The following PGLS variants were observed in gnomAD, a reference collection of about 807,000 sequenced individuals.
PGLS encodes the protein epididymis secretory protein Li 304.
In PGLS, 21 loss-of-function variants were observed where a neutral mutation model predicts 23.2. The ratio of observed to expected loss-of-function variants is 0.91; its 90% CI spans 0.64 to 1.31. The LOEUF (loss-of-function observed/expected upper bound fraction) is 1.31, where lower values mean the gene tolerates loss of function less well. Ranked by LOEUF, PGLS falls within the 50% of genes most tolerant of loss-of-function variation. The probability of loss-of-function intolerance (pLI) is 0.00; values close to 1 mark genes in which losing one functional copy is unlikely to be tolerated. For synonymous variants in PGLS, 179 were observed against 165.4 expected (o/e 1.08, Z -0.63); for missense variants, 410 against 354.0 (o/e 1.16, Z -1.27).
chr19:17,512,616 T>C (rs2075514590), intron 1 of PGLS: 2 of 152,268 alleles, frequency 1.3e-5, no homozygotes, highest in South Asian at 4.1e-4. Flanking sequence ...TTCCAGGCTG[T>C]TCATCTTTGG....
In PGLS at chr19:17,511,861, C is replaced by A. The variant is rs767694324; in HGVS notation, c.189C>A (p.Ala63=). 1 of 1,534,382 alleles carries A rather than the reference C, an allele frequency of 6.5e-7. No homozygotes were observed. Among genetic ancestry groups the A allele is most frequent in the African/African-American group, 1.4e-5 (1 of 70,600 alleles). ...MLARELPAAV[A]PAGPASLARW... ...CCCGCGAGCTACCCGCCGCCGTCGC[C>A]CCTGCCGGGCCAGCTAGCTTAGCGC... Residue 63 remains alanine (A), a synonymous_variant, in exon 1 of 5, where the codon GCC becomes GCA. Transcript: ENST00000252603.
At chr19:17,518,118 T>G (rs1413543856) in intron 4 of PGLS, among the ~76,000 whole-genome samples, 2 of 151,904 alleles carry the variant, frequency 1.3e-5, no homozygotes, top group African/African-American at 4.8e-5. Flanking sequence ...AGAGGTAAAT[T>G]AATAGCATTC....
intron 1 of PGLS, chr19:17,515,861 G>T: frequency 3.6e-6 from 1 of 274,536 alleles, no homozygotes. Flanking sequence ...CCATGATCCC[G>T]ATTCACCCAG....
At chr19:17,512,566 CG>C (rs1347370304) in intron 1 of PGLS, 1 of 152,384 alleles carries the variant, frequency 6.6e-6, no homozygotes, top group African/African-American at 2.4e-5. Flanking sequence ...AGCGAGTTCT[CG>C]GGGATCCCTG....
chr19:17,520,769 A>G (rs1181756935), intron 4 of PGLS, among the ~76,000 whole-genome samples, 175 bp from the exon 5 acceptor site: 1 of 152,122 alleles, frequency 6.6e-6, no homozygotes, highest in African/African-American at 2.4e-5. Flanking sequence ...GTTACAGTGG[A>G]TAGAAAGGAA....
chr19:17,514,039 C>G (rs907609792), intron 1 of PGLS, among the ~76,000 whole-genome samples: 1 of 150,226 alleles, frequency 6.7e-6, no homozygotes, highest in African/African-American at 2.4e-5. Flanking sequence ...TCTGCCGGTT[C>G]TCTGTGAGGG....
chr19:17,515,113 A>C (rs1347693132), intron 1 of PGLS, among the ~76,000 whole-genome samples: 1 of 151,954 alleles, frequency 6.6e-6, no homozygotes, highest in Non-Finnish European at 1.5e-5. Flanking sequence ...ATAAGCCTCG[A>C]GTTTATGGTG....
At position 17,520,946 on chromosome 19, in the gene PGLS, C is replaced by T. The variant is rs967853175; in HGVS notation, c.642C>T (p.Arg214=). The T allele has an allele frequency of 1.3e-5, 21 of 1,593,242 alleles. No homozygotes were observed. Among genetic ancestry groups the T allele is most frequent in the Non-Finnish European group, 1.7e-5 (20 of 1,169,324 alleles). The change falls in exon 5 of 5, where the codon CGC becomes CGT. Residue 214 remains arginine, a splice_region_variant and synonymous_variant. Transcript: ENST00000252603. Reference sequence around the variant, plus strand: ...TACTCTTCTGCCCTCTTCTTCAGCGCATTTTGGAGGACCAGGAGGAAAACC... The same window carrying T: ...TACTCTTCTGCCCTCTTCTTCAGCGTATTTTGGAGGACCAGGAGGAAAACC... ...TGEGKAAVLK[R]ILEDQEENPL...
intron 1 of PGLS, 130 bp downstream of exon 1, chr19:17,512,090 G>A (rs924254399): frequency 1.0e-5 from 10 of 982,964 alleles, no homozygotes; most frequent in African/African-American, 1.7e-5. Context: ...GGCTACGGGG[G>A]CCACTGGGTA....
intron 2 of PGLS, among the ~76,000 whole-genome samples, chr19:17,516,845 C>CT (rs1469572439): frequency 6.6e-6 from 1 of 151,000 alleles, no homozygotes; most frequent in Non-Finnish European, 1.5e-5. Context: ...CCTTGGCCTC[C>CT]AAAGTGCTGG....
intron 1 of PGLS, chr19:17,512,185 T>C (rs2075511629): frequency 5.7e-6 from 3 of 526,548 alleles, no homozygotes; most frequent in Non-Finnish European, 9.9e-6. Context: ...CGCCCACCGG[T>C]TGCCCTCGGC....
chr19:17,516,750 AATTTTTTTGT>A (rs1429264418), intron 2 of PGLS, among the ~76,000 whole-genome samples: 1 of 151,084 alleles, frequency 6.6e-6, no homozygotes, highest in African/African-American at 2.4e-5. Flanking sequence ...ACGCCTGGTT[AATTTTTTTGT>A]ATTTTTTTAG....
At chr19:17,515,293 G>T (rs1236801776) in intron 1 of PGLS, among the ~76,000 whole-genome samples, 1 of 152,144 alleles carries the variant, frequency 6.6e-6, no homozygotes, top group Admixed American at 6.6e-5. Context: ...AGGGCAGTCA[G>T]CCCCTGCGTT....
rs746312761 is a variant in PGLS at position 17,520,956 on chromosome 19, G to A, written c.652G>A (p.Asp218Asn). The A allele has an allele frequency of 2.6e-5, 41 of 1,596,836 alleles. No individual in the cohort carries two copies. Among genetic ancestry groups the A allele is most frequent in the Non-Finnish European group, 3.5e-5 (41 of 1,171,222 alleles). The change falls in exon 5 of 5, where the codon GAC (aspartate) becomes AAC (asparagine). Residue 218 changes from aspartate to asparagine, a missense_variant. Physicochemically the swap from Asp to Asn is conservative, Grantham distance 23. Coordinates refer to ENST00000252603, the MANE Select transcript of PGLS (RefSeq NM_012088.3). ...CCCTCTTCTTCAGCGCATTTTGGAGGACCAGGAGGAAAACCCGCTGCCCGC... is the reference window on the plus strand; with the variant it reads ...CCCTCTTCTTCAGCGCATTTTGGAGAACCAGGAGGAAAACCCGCTGCCCGC... ...KAAVLKRILEDQEENPLPAAL... is the reference protein window; with the variant it reads ...KAAVLKRILENQEENPLPAAL...
rs2075555209 is a variant in PGLS at position 17,521,023 on chromosome 19, T to C, written c.719T>C (p.Leu240Ser). ...QPHTGKLCWFLDEAAARLLTV... is the reference protein window; with the variant it reads ...QPHTGKLCWFSDEAAARLLTV... ...CACACCGGGAAACTGTGCTGGTTCT[T>C]GGACGAGGCGGCCGCCCGCCTCCTG... The change falls in exon 5 of 5, where the codon TTG becomes TCG. Residue 240 changes from leucine to serine, a missense_variant. By Grantham distance (145) the Leu-to-Ser change is moderately radical. Coordinates refer to ENST00000252603, the MANE Select transcript of PGLS (RefSeq NM_012088.3). The C allele has an allele frequency of 6.2e-7, 1 of 1,601,770 alleles. No individual in the cohort carries two copies. The highest frequency in any genetic ancestry group is 8.5e-7 in the Non-Finnish European group (1 of 1,173,406).
At chr19:17,520,857 T>G in intron 4 of PGLS, 87 bp from the exon 5 acceptor site, 1 of 1,393,354 alleles carries the variant, frequency 7.2e-7, no homozygotes. Context: ...AAGAGTCTTA[T>G]TTATCCTTGG....
intron 4 of PGLS, among the ~76,000 whole-genome samples, chr19:17,520,137 C>T (rs1008280632): frequency 8.1e-5 from 12 of 148,372 alleles, no homozygotes; most frequent in African/African-American, 2.5e-4. Context: ...TGGATGACAG[C>T]GCAAGACCTT....
intron 4 of PGLS, among the ~76,000 whole-genome samples, 174 bp downstream of exon 4, chr19:17,518,024 A>G (rs1338297753): frequency 7.1e-6 from 1 of 140,472 alleles, no homozygotes; most frequent in Non-Finnish European, 1.5e-5. Context: ...AAAAAAAAAA[A>G]ACCCCAGAAA....
chr19:17,515,937 T>C, intron 1 of PGLS: 1 of 419,678 alleles, frequency 2.4e-6, no homozygotes. Flanking sequence ...GAACCTCCTC[T>C]GCCCTGACAG....
Sources: gnomAD v4.1 joint callset for allele counts (sites outside exome capture counted in the v4.1 genomes callset) on GRCh38, gnomAD v4.1.1 for gene constraint, MANE v1.5 for transcripts, NCBI Gene and HGNC (gene_info 2026-07-23, HGNC 2026-07-21) for gene names.